The following RABGAP1L variants were observed in gnomAD, a reference collection of about 807,000 sequenced individuals.
RABGAP1L encodes rab GTPase-activating protein 1-like.
Under a neutral mutation model 137.7 loss-of-function variants are expected in RABGAP1L, and 63 were observed. The ratio of observed to expected loss-of-function variants is 0.46; its 90% CI spans 0.37 to 0.56. The LOEUF (loss-of-function observed/expected upper bound fraction) is 0.56. Ranked by LOEUF, RABGAP1L falls within the 20% of genes least tolerant of loss-of-function variation. RABGAP1L has a pLI of 0.00. For missense variants in RABGAP1L, 1,095 were observed against 1,244.0 expected (o/e 0.88, Z 1.80); for synonymous variants, 431 against 433.7 (o/e 0.99, Z 0.08).
chr1:174,434,070 C>G (rs1289905534), intron 13 of RABGAP1L, among the ~76,000 whole-genome samples: 1 of 150,694 alleles, frequency 6.6e-6, no homozygotes, highest in African/African-American at 2.5e-5. Flanking sequence ...CCAGTCTTGA[C>G]TGGTACATGT....
intron 10 of RABGAP1L, among the ~76,000 whole-genome samples, chr1:174,291,871 C>T (rs1676641043): frequency 6.6e-6 from 1 of 151,188 alleles, no homozygotes; most frequent in African/African-American, 2.4e-5. Flanking sequence ...TGACATTTTC[C>T]CTCCAAAGAG....
In RABGAP1L at chr1:174,462,756, C is replaced by T. The variant is rs979608349; in HGVS notation, c.1710+68611C>T. 2.0e-5 allele frequency among the ~76,000 whole-genome samples: 3 copies of T among 152,104 alleles called. No homozygotes were observed. The East Asian group carries it at 5.8e-4, about 29-fold the overall frequency. Reference sequence around the variant, plus strand: ...TATTCACATGTACCAATGTTTAGCTCTCTCTTATAAGTGAAAACATGTGAT... The same window carrying T: ...TATTCACATGTACCAATGTTTAGCTTTCTCTTATAAGTGAAAACATGTGAT... On this transcript the variant is annotated intron_variant, in intron 13 of 25. Coordinates refer to ENST00000681986, the MANE Select transcript of RABGAP1L (RefSeq NM_001366446.1).
intron 13 of RABGAP1L, among the ~76,000 whole-genome samples, chr1:174,397,445 G>A (rs530674243): frequency 6.6e-6 from 1 of 152,192 alleles, no homozygotes; most frequent in Non-Finnish European, 1.5e-5. Flanking sequence ...ATCCTGAGTG[G>A]CCACAGCAGC....
chr1:174,281,578 A>G (rs1424839009), intron 10 of RABGAP1L, among the ~76,000 whole-genome samples: 2 of 152,188 alleles, frequency 1.3e-5, no homozygotes, highest in African/African-American at 4.8e-5. Context: ...GGGAGTAGAC[A>G]TTAATTAGGT....
At chr1:174,865,349 A>G (rs931174594) in intron 19 of RABGAP1L, among the ~76,000 whole-genome samples, 3 of 152,184 alleles carry the variant, frequency 2.0e-5, no homozygotes, top group Non-Finnish European at 4.4e-5. Context: ...TCAAAAAAGA[A>G]CACAGGCAAC....
intron 7 of RABGAP1L, among the ~76,000 whole-genome samples, chr1:174,253,683 A>T (rs1463339160): frequency 6.6e-6 from 1 of 152,206 alleles, no homozygotes; most frequent in African/African-American, 2.4e-5. Flanking sequence ...CTTCTTGGGC[A>T]ATCTGAACAA....
At chr1:174,405,454 T>A (rs1649151133) in intron 13 of RABGAP1L, among the ~76,000 whole-genome samples, 1 of 152,150 alleles carries the variant, frequency 6.6e-6, no homozygotes. Context: ...TAGAATGAGG[T>A]TATTCCAGCT....
At chr1:174,685,956 T>C (rs1236737813) in intron 15 of RABGAP1L, among the ~76,000 whole-genome samples, 1 of 152,198 alleles carries the variant, frequency 6.6e-6, no homozygotes, top group Non-Finnish European at 1.5e-5. Context: ...TACTGGAGAT[T>C]AATGCTGGAG....
At chr1:174,929,494 G>A (rs183681363) in intron 19 of RABGAP1L, among the ~76,000 whole-genome samples, 1 of 152,216 alleles carries the variant, frequency 6.6e-6, no homozygotes, top group Admixed American at 6.5e-5. Context: ...TGTAATCCCA[G>A]CACTTTGGGA....
intron 10 of RABGAP1L, among the ~76,000 whole-genome samples, chr1:174,299,795 T>C (rs1017719170): frequency 1.3e-5 from 2 of 152,238 alleles, no homozygotes; most frequent in Non-Finnish European, 2.9e-5. Context: ...TTTCAGCTCT[T>C]CATGAGTCCT....
At chr1:174,518,753 G>T (rs1009028980) in intron 13 of RABGAP1L, among the ~76,000 whole-genome samples, 3 of 152,174 alleles carry the variant, frequency 2.0e-5, no homozygotes, top group Non-Finnish European at 4.4e-5. Context: ...AATGGCTTCA[G>T]TAATTGCTGT....
At chr1:174,555,199 G>A (rs1258235030) in intron 13 of RABGAP1L, among the ~76,000 whole-genome samples, 2 of 152,070 alleles carry the variant, frequency 1.3e-5, no homozygotes, top group Non-Finnish European at 2.9e-5. Context: ...TATAAATTTA[G>A]GGCCATTTAA....
At chr1:174,746,896 T>C (rs1683914334) in intron 17 of RABGAP1L, among the ~76,000 whole-genome samples, 1 of 152,194 alleles carries the variant, frequency 6.6e-6, no homozygotes, top group African/African-American at 2.4e-5. Flanking sequence ...TCAGTAGATG[T>C]TGGTTATTAT....
At chr1:174,279,067 T>C (rs1675263296) in intron 10 of RABGAP1L, among the ~76,000 whole-genome samples, 1 of 152,212 alleles carries the variant, frequency 6.6e-6, no homozygotes, top group Non-Finnish European at 1.5e-5. Flanking sequence ...TTTCTGCCTT[T>C]TATAAACAAT....
intron 13 of RABGAP1L, among the ~76,000 whole-genome samples, chr1:174,492,423 A>G (rs1422259574): frequency 2.7e-5 from 4 of 147,432 alleles, no homozygotes; most frequent in Admixed American, 6.9e-5. Flanking sequence ...ATCTTGGCTC[A>G]CTGCAACCTC....
chr1:174,529,688 G>A (rs1244817450), intron 13 of RABGAP1L, among the ~76,000 whole-genome samples: 1 of 152,134 alleles, frequency 6.6e-6, no homozygotes, highest in African/African-American at 2.4e-5. Flanking sequence ...TAGGCCTCTG[G>A]GCAGCTAGTG....
intron 13 of RABGAP1L, among the ~76,000 whole-genome samples, chr1:174,443,874 G>A (rs1166320152): frequency 6.6e-6 from 1 of 152,010 alleles, no homozygotes; most frequent in Non-Finnish European, 1.5e-5. Context: ...AGAGATAGGA[G>A]TCTAGTTTTA....
chr1:174,541,599 ACT>A (rs1665439054), intron 13 of RABGAP1L, among the ~76,000 whole-genome samples: 1 of 152,040 alleles, frequency 6.6e-6, no homozygotes, highest in African/African-American at 2.4e-5. Context: ...ACACAGTGAA[ACT>A]CTGTATCTAC....
At chr1:174,425,299 A>T (rs902573550) in intron 13 of RABGAP1L, among the ~76,000 whole-genome samples, 1 of 152,016 alleles carries the variant, frequency 6.6e-6, no homozygotes, top group Non-Finnish European at 1.5e-5. Flanking sequence ...AACATTTCAG[A>T]GCTCTCAAGA....
Sources: gnomAD v4.1 joint callset for allele counts (sites outside exome capture counted in the v4.1 genomes callset) on GRCh38, gnomAD v4.1.1 for gene constraint, MANE v1.5 for transcripts, NCBI Gene and HGNC (gene_info 2026-07-23, HGNC 2026-07-21) for gene names.